Variants in SNX10 observed in about 807,000 individuals in gnomAD.
The protein encoded by SNX10 is sorting nexin-10.
A neutral mutation model predicts 28.5 loss-of-function variants in SNX10; 25 were observed. The ratio of observed to expected loss-of-function variants is 0.88; its 90% CI spans 0.64 to 1.22. The LOEUF is 1.22. Among genes scored for constraint, SNX10 ranks in the 50% most tolerant of loss-of-function variants. The pLI is 0.00. For missense variants in SNX10, 223 were observed against 242.6 expected, an observed-to-expected ratio of 0.92 and a Z score of 0.54; for synonymous variants, 62 against 81.4, an observed-to-expected ratio of 0.76 and a Z score of 1.28.
chr7:26,327,517 T>C (rs1351957328), intron 1 of SNX10, among the ~76,000 whole-genome samples: 1 of 152,224 alleles, frequency 6.6e-6, no homozygotes, highest in African/African-American at 2.4e-5. Context: ...AGCTGGTAGA[T>C]GCTCAGCAAA....
intron 1 of SNX10, among the ~76,000 whole-genome samples, chr7:26,308,859 G>A (rs1786701409): frequency 6.6e-6 from 1 of 152,106 alleles, no homozygotes; most frequent in South Asian, 2.1e-4. Flanking sequence ...TCCCCAGGTA[G>A]GTAGGGTCAG....
Position 26,347,636 on chromosome 7 carries a change from G to A in SNX10, c.24+1170G>A, listed in dbSNP as rs1178226380. ...AGACCGAGGTGGTTGGATTACTTGA[G>A]GTCAGGAGTTCGAGACCAGCCTGTC... is the stretch of plus-strand genomic sequence containing the variant. On this transcript the variant is annotated intron_variant, in intron 2 of 6. Transcript: ENST00000338523. Among the ~76,000 whole-genome samples, 3 of 152,214 alleles carry A rather than the reference G, an allele frequency of 2.0e-5. No individual in the cohort carries two copies. The East Asian group carries it at 5.8e-4, about 29-fold the overall frequency.
At chr7:26,309,423 G>T (rs1006030133) in intron 1 of SNX10, among the ~76,000 whole-genome samples, 4 of 151,428 alleles carry the variant, frequency 2.6e-5, no homozygotes, top group African/African-American at 9.7e-5. Flanking sequence ...TCACCCAGTC[G>T]GTTCTCAGTG....
chr7:26,333,361 G>A (rs537706236), intron 1 of SNX10, among the ~76,000 whole-genome samples: 315 of 119,910 alleles, frequency 2.6e-3, no homozygotes, highest in African/African-American at 1.0e-2. Context: ...GTCTGGCTCT[G>A]TCGCCCAGGC....
chr7:26,348,605 T>C (rs1245155765), intron 2 of SNX10, among the ~76,000 whole-genome samples: 1 of 152,236 alleles, frequency 6.6e-6, no homozygotes, highest in Non-Finnish European at 1.5e-5. Flanking sequence ...TGTGTGGCAG[T>C]GTGCAGAGTC....
intron 1 of SNX10, among the ~76,000 whole-genome samples, chr7:26,319,358 T>G (rs918152272): frequency 2.6e-5 from 4 of 152,274 alleles, no homozygotes; most frequent in African/African-American, 9.6e-5. Context: ...TTGCCATTTC[T>G]GTTCTTCAGT....
chr7:26,345,859 A>T (rs1562808692), intron 1 of SNX10, among the ~76,000 whole-genome samples: 1 of 152,150 alleles, frequency 6.6e-6, no homozygotes, highest in Non-Finnish European at 1.5e-5. Context: ...AGAGACATGC[A>T]GGGCCTGGAA....
intron 1 of SNX10, among the ~76,000 whole-genome samples, chr7:26,330,005 C>A (rs1231200341): frequency 6.6e-6 from 1 of 151,978 alleles, no homozygotes; most frequent in Non-Finnish European, 1.5e-5. Context: ...AGTGGAACAG[C>A]CGATTGGGTG....
chr7:26,310,207 A>G (rs1479552763), intron 1 of SNX10, among the ~76,000 whole-genome samples: 8 of 152,152 alleles, frequency 5.3e-5, no homozygotes, highest in Admixed American at 5.2e-4. Flanking sequence ...CTGTCAACCC[A>G]TCTTCCCTTC....
rs1433099333 is a variant in SNX10, at chr7:26,317,009, T to C, written c.-24+24923T>C. ...ATATTTCCTGTATGCGTTACATACCTGATACTACCAAGATCGAGGCCGGAG... is the reference window on the plus strand; with the variant it reads ...ATATTTCCTGTATGCGTTACATACCCGATACTACCAAGATCGAGGCCGGAG... On this transcript the variant is annotated intron_variant, in intron 1 of 6. Coordinates refer to ENST00000338523, the MANE Select transcript of SNX10 (RefSeq NM_013322.3). Among the ~76,000 whole-genome samples the C allele has an allele frequency of 2.0e-5, 3 of 152,312 alleles. No homozygotes were observed. In the East Asian group the frequency reaches 5.8e-4, roughly 29 times the overall value.
chr7:26,351,990 A>T (rs1048774612), intron 2 of SNX10, among the ~76,000 whole-genome samples: 1 of 152,174 alleles, frequency 6.6e-6, no homozygotes, highest in African/African-American at 2.4e-5. Flanking sequence ...TCAGTTAATA[A>T]TAACATGTCA....
intron 6 of SNX10, 81 bp from the exon 7 acceptor site, chr7:26,372,410 C>A: frequency 1.1e-6 from 1 of 875,460 alleles, no homozygotes; most frequent in Non-Finnish European, 1.9e-6. Flanking sequence ...AATTAAAGTT[C>A]TCCTCTGTTA....
rs775167883 is a variant in SNX10, at chr7:26,360,967, C to G, written c.25-8C>G. On this transcript the variant is annotated splice_polypyrimidine_tract_variant and splice_region_variant and intron_variant, in intron 2 of 6. Transcript: ENST00000338523. Reference sequence around the variant, plus strand: ...AAGAATATTTCTTTGTTTATGATGCCATTACAGGAATTTGTAAGTGTCTGG... The same window carrying G: ...AAGAATATTTCTTTGTTTATGATGCGATTACAGGAATTTGTAAGTGTCTGG... 6.2e-7 allele frequency: 1 copy of G among 1,612,498 alleles called. No individual in the cohort carries two copies. The highest frequency in any genetic ancestry group is 1.3e-5 in the African/African-American group (1 of 74,826).
chr7:26,314,769 G>A (rs2127998642), intron 1 of SNX10, among the ~76,000 whole-genome samples: 2 of 152,262 alleles, frequency 1.3e-5, no homozygotes, highest in Admixed American at 1.3e-4. Context: ...GGAGGCTGAG[G>A]CGGGCGGATC....
chr7:26,352,567 C>T (rs753647683), intron 2 of SNX10, among the ~76,000 whole-genome samples: 2 of 152,206 alleles, frequency 1.3e-5, no homozygotes, highest in Non-Finnish European at 2.9e-5. Context: ...CCTATTTCCT[C>T]CTGCTACCAC....
At chr7:26,328,163 C>T (rs1787579344) in intron 1 of SNX10, among the ~76,000 whole-genome samples, 1 of 152,150 alleles carries the variant, frequency 6.6e-6, no homozygotes, top group South Asian at 2.1e-4. Flanking sequence ...AGGCCAGTGA[C>T]ACTGGAGGCT....
intron 2 of SNX10, among the ~76,000 whole-genome samples, chr7:26,358,077 G>A (rs1286397262): frequency 3.3e-5 from 5 of 152,160 alleles, no homozygotes; most frequent in Admixed American, 3.3e-4. Context: ...GAGGGAAGAA[G>A]TTTGCCATCC....
intron 2 of SNX10, among the ~76,000 whole-genome samples, chr7:26,355,935 C>G (rs35070084): frequency 5.3e-5 from 8 of 152,064 alleles, no homozygotes; most frequent in Admixed American, 1.3e-4. Flanking sequence ...ATATACTGAG[C>G]TCTGAGGGTT....
chr7:26,296,082 C>A (rs1786097694), intron 1 of SNX10, among the ~76,000 whole-genome samples: 1 of 152,020 alleles, frequency 6.6e-6, no homozygotes, highest in South Asian at 2.1e-4. Flanking sequence ...CTGCAGTGAG[C>A]TGTGATTGCA....
Sources: allele counts gnomAD v4.1 joint callset (sites outside exome capture counted in the v4.1 genomes callset), GRCh38; gene constraint gnomAD v4.1.1; transcripts MANE v1.5; gene names NCBI Gene and HGNC (gene_info 2026-07-23, HGNC 2026-07-21).